The following NXNL2 variants were observed in gnomAD, a reference collection of about 807,000 sequenced individuals.
NXNL2 encodes nucleoredoxin like 2.
Under a neutral mutation model 11.1 loss-of-function variants are expected in NXNL2, and 7 were observed. The ratio of observed to expected loss-of-function variants is 0.63; its 90% confidence interval spans 0.36 to 1.18. The LOEUF (loss-of-function observed/expected upper bound fraction) is 1.18, where lower values mean the gene tolerates loss of function less well. Among genes scored for constraint, NXNL2 ranks in the 50% most tolerant of loss-of-function variants. The probability of loss-of-function intolerance (pLI) is 0.02; values close to 1 mark genes in which losing one functional copy is unlikely to be tolerated. For missense variants in NXNL2, 233 were observed against 217.7 expected, an observed-to-expected ratio of 1.07 and a Z score of -0.44; for synonymous variants, 109 against 101.8, an observed-to-expected ratio of 1.07 and a Z score of -0.42.
intron 1 of NXNL2, among the ~76,000 whole-genome samples, chr9:88,567,133 G>C (rs1427824851): frequency 6.6e-6 from 1 of 151,968 alleles, no homozygotes; most frequent in Non-Finnish European, 1.5e-5. Context: ...ACTATTTCCT[G>C]ACTTATTGAA....
At chr9:88,550,594 T>C (rs1198352011) in intron 1 of NXNL2, among the ~76,000 whole-genome samples, 1 of 152,226 alleles carries the variant, frequency 6.6e-6, no homozygotes, top group Non-Finnish European at 1.5e-5. Context: ...AGGTCATAGG[T>C]AGATTCAAAG....
At chr9:88,559,934 A>G (rs1283682952) in intron 1 of NXNL2, among the ~76,000 whole-genome samples, 1 of 152,092 alleles carries the variant, frequency 6.6e-6, no homozygotes, top group East Asian at 1.9e-4. Context: ...TAAACACAGG[A>G]TGTGAGTGTC....
intron 1 of NXNL2, among the ~76,000 whole-genome samples, chr9:88,570,863 C>T (rs1029091260): frequency 6.6e-6 from 1 of 151,840 alleles, no homozygotes; most frequent in Non-Finnish European, 1.5e-5. Context: ...CTCTGTCAGC[C>T]TCCTGAGTAG....
chr9:88,545,915 C>T (rs1048436188), downstream of NXNL2, among the ~76,000 whole-genome samples: 10 of 151,470 alleles, frequency 6.6e-5, no homozygotes, highest in African/African-American at 1.7e-4. Context: ...TACAGGCGCC[C>T]GCCACCACGC....
chr9:88,555,775 G>A (rs572988195), intron 1 of NXNL2, among the ~76,000 whole-genome samples: 1 of 152,194 alleles, frequency 6.6e-6, no homozygotes, highest in South Asian at 2.1e-4. Context: ...CACTTAGCCT[G>A]GCGGGCTGCG....
rs2118373694 is a variant in NXNL2 at position 88,535,312 on chromosome 9, G to C, written c.-123G>C. The stretch of plus-strand genomic sequence containing the variant: ...TGTGGGCGCATCTGGGGCAGGTCTT[G>C]AGAGGTCCAGCGCCCGGTGGTGCGG... On this transcript the variant is annotated 5_prime_UTR_variant, in exon 1 of 2. Coordinates refer to ENST00000375854, the MANE Select transcript of NXNL2 (RefSeq NM_001161625.2). 1.0e-6 allele frequency: 1 copy of C among 999,118 alleles called. No individual in the cohort carries two copies. The highest frequency in any genetic ancestry group is 1.6e-5 in the African/African-American group (1 of 60,664). The allele number at this position is 999,118 out of a possible 1,614,324, so 61.9% of individuals were successfully genotyped here.
chr9:88,564,397 A>G (rs1374670874), intron 1 of NXNL2, among the ~76,000 whole-genome samples: 3 of 151,614 alleles, frequency 2.0e-5, no homozygotes, highest in Admixed American at 2.0e-4. Flanking sequence ...ATGTATGTAC[A>G]TATCTATCTA....
rs1829600821 is a variant in NXNL2 at position 88,535,745 on chromosome 9, G to C, written c.302+9G>C. 6.5e-7 allele frequency: 1 copy of C among 1,541,294 alleles called. No individual in the cohort carries two copies. Among genetic ancestry groups the C allele is most frequent in the Admixed American group, 2.0e-5 (1 of 50,738 alleles). ...CACGACCCCTACCGGCAGTGAGTGG[G>C]GGTCCTGGGGGGGCGGGGGCCGCCC... On this transcript the variant is annotated intron_variant, in intron 1 of 1. Coordinates refer to ENST00000375854, the MANE Select transcript of NXNL2 (RefSeq NM_001161625.2).
intron 1 of NXNL2, among the ~76,000 whole-genome samples, chr9:88,538,629 G>A (rs539282733): frequency 1.3e-5 from 2 of 152,314 alleles, no homozygotes; most frequent in South Asian, 4.1e-4. Context: ...GCCAGGTGCT[G>A]CACCACGCCT....
chr9:88,583,067 G>A (rs72757739), intron 1 of NXNL2, among the ~76,000 whole-genome samples: 3,593 of 152,268 alleles, frequency 0.024, 67 homozygotes, highest in South Asian at 0.037. Context: ...AATTCCATGT[G>A]TCTGTGGCCA....
intron 1 of NXNL2, among the ~76,000 whole-genome samples, chr9:88,559,373 G>C (rs1221138041): frequency 2.6e-5 from 4 of 152,198 alleles, no homozygotes; most frequent in African/African-American, 9.7e-5. Flanking sequence ...TGACAGCCCA[G>C]AGAGGAGGCT....
At chr9:88,546,401 C>G (rs1031123840), downstream of NXNL2, among the ~76,000 whole-genome samples, 8 of 150,108 alleles carry the variant, frequency 5.3e-5, no homozygotes, top group African/African-American at 2.0e-4. Flanking sequence ...TTATTACTCC[C>G]TGAAGACACA....
intron 1 of NXNL2, among the ~76,000 whole-genome samples, chr9:88,566,495 G>A (rs965850012): frequency 1.3e-4 from 20 of 151,992 alleles, no homozygotes; most frequent in Admixed American, 1.1e-3. Context: ...TAGAGACAGG[G>A]TTTCACCATG....
chr9:88,548,334 T>A (rs1829874373), downstream of NXNL2, among the ~76,000 whole-genome samples: 2 of 77,440 alleles, frequency 2.6e-5, no homozygotes, highest in Non-Finnish European at 4.4e-5. Context: ...AGGAAGACTT[T>A]TTCTCAAAAA....
At chr9:88,540,451 G>A (rs868565888) in intron 1 of NXNL2, among the ~76,000 whole-genome samples, 5 of 152,038 alleles carry the variant, frequency 3.3e-5, no homozygotes, top group African/African-American at 7.2e-5. Flanking sequence ...CCATCTGGCC[G>A]AGTTCCACAC....
At chr9:88,572,391 A>G (rs1587856354) in intron 2 of NXNL2, among the ~76,000 whole-genome samples, 2 of 152,102 alleles carry the variant, frequency 1.3e-5, no homozygotes, top group East Asian at 1.9e-4. Context: ...CGGGCCTGAA[A>G]TGGGCCATGG....
At chr9:88,542,161 A>T (rs1829774900) in intron 1 of NXNL2, among the ~76,000 whole-genome samples, 1 of 151,980 alleles carries the variant, frequency 6.6e-6, no homozygotes, top group Non-Finnish European at 1.5e-5. Flanking sequence ...TGAACCCAGG[A>T]GGCGGAGCTT....
At chr9:88,538,232 A>G (rs1307692070) in intron 1 of NXNL2, among the ~76,000 whole-genome samples, 2 of 152,030 alleles carry the variant, frequency 1.3e-5, no homozygotes, top group Non-Finnish European at 2.9e-5. Flanking sequence ...GCTGGTACTG[A>G]GTGTCTCTTG....
At chr9:88,545,368 C>T (rs2118430819), downstream of NXNL2, among the ~76,000 whole-genome samples, 1 of 152,254 alleles carries the variant, frequency 6.6e-6, no homozygotes, top group South Asian at 2.1e-4. Flanking sequence ...CATTCTTATC[C>T]AATCAGCTGG....
Sources: gnomAD v4.1 joint callset for allele counts (sites outside exome capture counted in the v4.1 genomes callset) on GRCh38, gnomAD v4.1.1 for gene constraint, MANE v1.5 for transcripts, NCBI Gene and HGNC (gene_info 2026-07-23, HGNC 2026-07-21) for gene names.